The following RASAL2 variants were observed in gnomAD, a reference collection of about 807,000 sequenced individuals.
RASAL2 encodes ras GTPase-activating protein nGAP.
RASAL2 carries 58 observed loss-of-function variants against 128.9 expected under a neutral mutation model. That is an observed-to-expected ratio of 0.45 (90% confidence interval 0.36 to 0.56). The LOEUF (loss-of-function observed/expected upper bound fraction) is 0.56. RASAL2 is among the 20% of genes least tolerant of loss of function. RASAL2 has a pLI of 0.00. For missense variants in RASAL2, 1,360 were observed against 1,601.6 expected (o/e 0.85, Z 2.57); for synonymous variants, 561 against 580.8 (o/e 0.97, Z 0.49).
intron 1 of RASAL2, among the ~76,000 whole-genome samples, chr1:178,231,553 T>C (rs1664008803): frequency 6.6e-6 from 1 of 152,206 alleles, no homozygotes; most frequent in Admixed American, 6.5e-5. Flanking sequence ...ATCATACTTA[T>C]TACCATTTTC....
At chr1:178,460,682 A>G (rs1313034039) in intron 14 of RASAL2, among the ~76,000 whole-genome samples, 1 of 152,058 alleles carries the variant, frequency 6.6e-6, no homozygotes, top group Admixed American at 6.6e-5. Flanking sequence ...CTTTGTTTAT[A>G]CTTTTGCTGG....
intron 3 of RASAL2, among the ~76,000 whole-genome samples, chr1:178,333,994 A>G (rs987992847): frequency 2.6e-5 from 4 of 152,162 alleles, no homozygotes; most frequent in African/African-American, 9.6e-5. Flanking sequence ...TGAATGTAGT[A>G]TTTGTGTTTT....
chr1:178,242,406 A>G (rs1311887922), intron 1 of RASAL2, among the ~76,000 whole-genome samples: 2 of 146,972 alleles, frequency 1.4e-5, no homozygotes, highest in Non-Finnish European at 3.0e-5. Flanking sequence ...TCTGCTAATG[A>G]CAATTTTTAT....
chr1:178,245,802 C>G (rs985726991), intron 1 of RASAL2, among the ~76,000 whole-genome samples: 2 of 152,184 alleles, frequency 1.3e-5, no homozygotes, highest in African/African-American at 4.8e-5. Flanking sequence ...CCAGTTTTCC[C>G]AGCACCATTT....
At chr1:178,343,206 A>C (rs972622734) in intron 3 of RASAL2, among the ~76,000 whole-genome samples, 2 of 152,204 alleles carry the variant, frequency 1.3e-5, no homozygotes, top group Non-Finnish European at 2.9e-5. Context: ...GTGTAAGTGT[A>C]GTACTGACTT....
chr1:178,395,771 G>GTATATATATATATATA (rs57664965), intron 4 of RASAL2, among the ~76,000 whole-genome samples: 4 of 133,018 alleles, frequency 3.0e-5, no homozygotes, highest in African/African-American at 6.9e-5. Context: ...TTAATGAACA[G>GTATATATATATATATA]TATATATATA....
chr1:178,172,850 AT>A (rs1256368901), intron 1 of RASAL2, among the ~76,000 whole-genome samples: 4 of 152,062 alleles, frequency 2.6e-5, no homozygotes, highest in Non-Finnish European at 5.9e-5. Flanking sequence ...TGGTGACATG[AT>A]TTTTCAAAAA....
At chr1:178,124,281 GGACATTTGACAAAGTCTGCA>G (rs2102282622) in intron 1 of RASAL2, among the ~76,000 whole-genome samples, 1 of 152,196 alleles carries the variant, frequency 6.6e-6, no homozygotes, top group Non-Finnish European at 1.5e-5. Context: ...GCCCTCCAGG[GGACATTTGACAAAGTCTGCA>G]GACATTTTTG....
intron 1 of RASAL2, among the ~76,000 whole-genome samples, chr1:178,184,502 A>G (rs1662223580): frequency 6.6e-6 from 1 of 151,796 alleles, no homozygotes; most frequent in African/African-American, 2.4e-5. Flanking sequence ...TATTTTGTGA[A>G]AGATGTTAGG....
intron 3 of RASAL2, among the ~76,000 whole-genome samples, chr1:178,358,212 C>T (rs1477352374): frequency 1.6e-5 from 2 of 128,786 alleles, no homozygotes; most frequent in Non-Finnish European, 3.1e-5. Flanking sequence ...CTCCAGCCTC[C>T]GTGACAGAGT....
At chr1:178,370,581 A>G (rs941479960) in intron 3 of RASAL2, among the ~76,000 whole-genome samples, 1 of 152,188 alleles carries the variant, frequency 6.6e-6, no homozygotes, top group African/African-American at 2.4e-5. Context: ...CTGTCACTTT[A>G]ACTACTTTTA....
intron 1 of RASAL2, among the ~76,000 whole-genome samples, chr1:178,186,583 C>T (rs532630958): frequency 2.6e-5 from 4 of 152,156 alleles, no homozygotes; most frequent in Admixed American, 1.3e-4. Context: ...TGATTCTTTC[C>T]GATGAGTAGT....
chr1:178,115,311 A>G (rs951021981), intron 1 of RASAL2, among the ~76,000 whole-genome samples: 5 of 152,218 alleles, frequency 3.3e-5, no homozygotes, highest in African/African-American at 4.8e-5. Flanking sequence ...AGAATCCTTA[A>G]TGATGTTACC....
intron 3 of RASAL2, among the ~76,000 whole-genome samples, chr1:178,358,403 A>G (rs539026137): frequency 1.7e-4 from 26 of 152,234 alleles, no homozygotes; most frequent in Admixed American, 5.2e-4. Context: ...GAGAAATGAT[A>G]TTCACAAGAC....
chr1:178,366,994 G>A (rs1253374887), intron 3 of RASAL2, among the ~76,000 whole-genome samples: 2 of 152,138 alleles, frequency 1.3e-5, no homozygotes, highest in Non-Finnish European at 2.9e-5. Context: ...TAATTAAATA[G>A]TAGTAATGGC....
At chr1:178,281,226 TAGAC>T (rs1413539205) in intron 1 of RASAL2, among the ~76,000 whole-genome samples, 1 of 151,998 alleles carries the variant, frequency 6.6e-6, no homozygotes, top group Admixed American at 6.6e-5. Context: ...TCCCTCTGTT[TAGAC>T]AGACATAATT....
chr1:178,240,077 T>A (rs776791778), intron 1 of RASAL2, among the ~76,000 whole-genome samples: 1 of 152,078 alleles, frequency 6.6e-6, no homozygotes, highest in Non-Finnish European at 1.5e-5. Context: ...TAAACTTTTG[T>A]AATTACTTTT....
intron 2 of RASAL2, among the ~76,000 whole-genome samples, chr1:178,295,013 C>G (rs562299512): frequency 6.6e-6 from 1 of 152,098 alleles, no homozygotes; most frequent in African/African-American, 2.4e-5. Flanking sequence ...CTGTTTAAAA[C>G]CTGACTACTC....
At position 178,094,564 on chromosome 1, in the gene RASAL2, G is replaced by T; in HGVS notation, c.72G>T (p.Glu24Asp). ...LSWPEMFPAL[E>D]SDSPLPPEDL... ...GGCCGGAGATGTTCCCGGCGCTGGAGTCCGACTCGCCGCTGCCCCCGGAGG... is the reference window on the plus strand; with the variant it reads ...GGCCGGAGATGTTCCCGGCGCTGGATTCCGACTCGCCGCTGCCCCCGGAGG... Residue 24 changes from glutamate (E) to aspartate (D), a missense_variant, in exon 1 of 18, where the codon GAG becomes GAT. By Grantham distance (45) the Glu-to-Asp change is conservative (BLOSUM62 2). Around this residue, in one of 3 missense-constraint regions of RASAL2, gnomAD observed 617 missense variants for 714.2 expected, o/e 0.86. Coordinates refer to ENST00000367649, the MANE Select transcript of RASAL2 (RefSeq NM_170692.4). The T allele has an allele frequency of 6.3e-7, 1 of 1,598,672 alleles. No homozygotes were observed. The highest frequency in any genetic ancestry group is 8.5e-7 in the Non-Finnish European group (1 of 1,172,928).
Sources: gnomAD v4.1 joint callset for allele counts (sites outside exome capture counted in the v4.1 genomes callset) on GRCh38, gnomAD v4.1.1 for gene constraint, gnomAD v4.1.1 regional missense constraint, MANE v1.5 for transcripts, NCBI Gene and HGNC (gene_info 2026-07-23, HGNC 2026-07-21) for gene names.